Variants in RXRA observed in about 807,000 individuals in gnomAD.
RXRA encodes the protein retinoic acid receptor RXR-alpha.
A neutral mutation model predicts 44.5 loss-of-function variants in RXRA; 5 were observed. The observed-to-expected ratio is 0.11, with a 90% CI of 0.06 to 0.24. The LOEUF is 0.24. Among genes scored for constraint, RXRA ranks in the 10% least tolerant of loss-of-function variants. RXRA has a pLI of 1.00. For missense variants in RXRA, 412 were observed against 646.5 expected (o/e 0.64, Z 3.93); for synonymous variants, 291 against 271.4 (o/e 1.07, Z -0.71).
At chr9:134,351,466 C>G (rs1240451240) in intron 1 of RXRA, among the ~76,000 whole-genome samples, 1 of 152,222 alleles carries the variant, frequency 6.6e-6, no homozygotes, top group Non-Finnish European at 1.5e-5. Context: ...GCACCCTAAA[C>G]TCTGCGTCTT....
At chr9:134,359,297 T>C (rs1056142665) in intron 1 of RXRA, among the ~76,000 whole-genome samples, 4 of 152,084 alleles carry the variant, frequency 2.6e-5, no homozygotes, top group Non-Finnish European at 4.4e-5. Flanking sequence ...GGTGTGCTGC[T>C]GCCGCCGGCG....
intron 6 of RXRA, among the ~76,000 whole-genome samples, chr9:134,428,583 C>T (rs961663919): frequency 6.6e-6 from 1 of 151,542 alleles, no homozygotes; most frequent in Non-Finnish European, 1.5e-5. Context: ...AGGGAACCCC[C>T]ACTATGTTGA....
chr9:134,344,794 C>T (rs1334190752), intron 1 of RXRA, among the ~76,000 whole-genome samples: 2 of 152,230 alleles, frequency 1.3e-5, no homozygotes, highest in African/African-American at 4.8e-5. Context: ...TGTGTGCTGC[C>T]TTCCGTAGGA....
At chr9:134,354,444 G>A (rs1251244577) in intron 1 of RXRA, among the ~76,000 whole-genome samples, 1 of 152,210 alleles carries the variant, frequency 6.6e-6, no homozygotes, top group African/African-American at 2.4e-5. Flanking sequence ...ACTCACCCGG[G>A]TTGGAGCCAG....
intron 2 of RXRA, 185 bp downstream of exon 2, chr9:134,402,067 G>A: frequency 1.7e-6 from 1 of 595,226 alleles, no homozygotes; most frequent in South Asian, 2.2e-5. Flanking sequence ...AGGTGGGGCT[G>A]ACTGCTGAGC....
At position 134,385,017 on chromosome 9, in the gene RXRA, T is replaced by C. The variant is rs147468369; in HGVS notation, c.29-16615T>C. 5.1e-3 allele frequency among the ~76,000 whole-genome samples: 778 copies of C among 152,286 alleles called. 9 individuals carry two copies. The highest frequency in any genetic ancestry group is 0.018 in the African/African-American group (729 of 41,552). ...CAGGCAGGAAGCTCCTGGCCTGGGATGGGCACAGACAGGGTGTGGGCCGTG... is the reference window on the plus strand; with the variant it reads ...CAGGCAGGAAGCTCCTGGCCTGGGACGGGCACAGACAGGGTGTGGGCCGTG... On this transcript the variant is annotated intron_variant, in intron 1 of 9. Transcript: ENST00000481739.
chr9:134,398,653 C>T (rs1830915666), intron 1 of RXRA, among the ~76,000 whole-genome samples: 1 of 152,196 alleles, frequency 6.6e-6, no homozygotes, highest in Non-Finnish European at 1.5e-5. Context: ...TCCTCCAACT[C>T]AGTGTCCCCC....
intron 1 of RXRA, among the ~76,000 whole-genome samples, chr9:134,328,802 G>A (rs573239252): frequency 3.3e-5 from 5 of 152,238 alleles, no homozygotes; most frequent in African/African-American, 9.6e-5. Flanking sequence ...CTGCCCAGCC[G>A]CTTTTGGGGT....
intron 1 of RXRA, among the ~76,000 whole-genome samples, chr9:134,355,136 T>C (rs1395964412): frequency 1.3e-5 from 2 of 152,218 alleles, no homozygotes; most frequent in African/African-American, 4.8e-5. Flanking sequence ...GGGCTGGGGC[T>C]GGGCCACCCC....
intron 1 of RXRA, among the ~76,000 whole-genome samples, chr9:134,356,073 C>A (rs945753151): frequency 1.3e-5 from 2 of 152,156 alleles, no homozygotes; most frequent in Admixed American, 6.5e-5. Flanking sequence ...GGGCCTGTCT[C>A]AGGCCAGGCC....
chr9:134,332,190 C>T (rs1182250714), intron 1 of RXRA, among the ~76,000 whole-genome samples: 1 of 152,218 alleles, frequency 6.6e-6, no homozygotes, highest in Non-Finnish European at 1.5e-5. Flanking sequence ...GCAGCAGAGG[C>T]CCAGCCTGGA....
In RXRA at chr9:134,438,619, CT is replaced by C. The variant is rs538816273; in HGVS notation, c.*2006del. 706 of 152,784 alleles carry C rather than the reference CT, an allele frequency of 4.6e-3. 14 individuals are homozygous for C. The highest frequency in any genetic ancestry group is 0.035 in the Admixed American group (535 of 15,306). 9.5% of individuals were successfully genotyped at this position (152,784 alleles called of 1,614,324 possible). A position where few individuals can be genotyped will look rare whatever the true frequency, so the allele number is the denominator to read the frequency against. On this transcript the variant is annotated 3_prime_UTR_variant, in exon 10 of 10. Transcript: ENST00000481739. ...CACTGCCAGGAAGCCCCAGCTGCCC[CT>C]GGCGGGTGTGGTGGAAATGGCAGGA...
At chr9:134,329,093 A>G (rs1405321705) in intron 1 of RXRA, among the ~76,000 whole-genome samples, 1 of 152,226 alleles carries the variant, frequency 6.6e-6, no homozygotes, top group Non-Finnish European at 1.5e-5. Context: ...ACAGAGTCCA[A>G]AGGTCTCAGA....
intron 6 of RXRA, chr9:134,423,526 G>A (rs1319570829): frequency 1.0e-6 from 1 of 985,326 alleles, no homozygotes; most frequent in African/African-American, 1.7e-5. Context: ...ATAGGGCCTG[G>A]CGCCGTCGCC....
In RXRA at chr9:134,417,417, A is replaced by G. The variant is rs1831254001; in HGVS notation, c.780+90A>G. The G allele has an allele frequency of 1.4e-6, 2 of 1,474,284 alleles. No homozygotes were observed. Among genetic ancestry groups the G allele is most frequent in the Admixed American group, 3.8e-5 (2 of 52,956 alleles). 91.3% of individuals were successfully genotyped at this position (1,474,284 alleles called of 1,614,324 possible). ...CTCCCACCTGAGCAGCTGATGAGCC[A>G]GAGAGGTCCTGGGGGCTGCCCTGGG... On this transcript the variant is annotated intron_variant, in intron 5 of 9. Coordinates refer to ENST00000481739, the MANE Select transcript of RXRA (RefSeq NM_002957.6). This position sits in a 1 kb window ranked among gnomAD's most constrained non-coding sequence, Gnocchi z 6.1.
chr9:134,420,460 C>A (rs1490143274), intron 5 of RXRA, among the ~76,000 whole-genome samples: 1 of 152,200 alleles, frequency 6.6e-6, no homozygotes, highest in South Asian at 2.1e-4. Context: ...CTGTGTATAC[C>A]CCTTCTGGCT....
At chr9:134,394,244 GAC>G (rs1830844687) in intron 1 of RXRA, among the ~76,000 whole-genome samples, 2 of 66,222 alleles carry the variant, frequency 3.0e-5, no homozygotes, top group African/African-American at 6.1e-5. Flanking sequence ...TGGTGGTGAT[GAC>G]GGTGGTGATG....
At chr9:134,391,711 T>C (rs901762074) in intron 1 of RXRA, among the ~76,000 whole-genome samples, 2 of 152,146 alleles carry the variant, frequency 1.3e-5, no homozygotes, top group African/African-American at 4.8e-5. Flanking sequence ...AAGGTGGGCG[T>C]CATTGCTGGA....
intron 1 of RXRA, among the ~76,000 whole-genome samples, chr9:134,353,755 C>A (rs1830249889): frequency 6.6e-6 from 1 of 152,252 alleles, no homozygotes; most frequent in Non-Finnish European, 1.5e-5. Context: ...ACCCATGGGC[C>A]TGGTTGGCCT....
Sources: allele counts gnomAD v4.1 joint callset (sites outside exome capture counted in the v4.1 genomes callset), GRCh38; gene constraint gnomAD v4.1.1; non-coding constraint Gnocchi (gnomAD v3.1); transcripts MANE v1.5; gene names NCBI Gene and HGNC (gene_info 2026-07-23, HGNC 2026-07-21).